P4HB: variants seen among roughly 807,000 people sequenced by gnomAD.
P4HB encodes prolyl 4-hydroxylase subunit beta.
Under a neutral mutation model 52.6 loss-of-function variants are expected in P4HB, and 20 were observed. The observed-to-expected ratio is 0.38, with a 90% CI of 0.27 to 0.55. The LOEUF is 0.55. P4HB is among the 20% of genes least tolerant of loss of function. P4HB has a pLI of 0.74. For missense variants in P4HB, 601 were observed against 669.2 expected, an observed-to-expected ratio of 0.90 and a Z score of 1.12; for synonymous variants, 296 against 277.9, an observed-to-expected ratio of 1.07 and a Z score of -0.65.
rs2038733869 is a variant in P4HB, at chr17:81,846,247, A to G, written c.1056+182T>C. 1.4e-6 allele frequency: 1 copy of G among 714,972 alleles called. No homozygotes were observed. Among genetic ancestry groups the G allele is most frequent in the East Asian group, 2.7e-5 (1 of 37,168 alleles). The allele number at this position is 714,972 out of a possible 1,614,324, so 44.3% of individuals were successfully genotyped here. On this transcript the variant is annotated intron_variant, in intron 7 of 10. Transcript: ENST00000331483. This position sits in a 1 kb window ranked among gnomAD's most constrained non-coding sequence, Gnocchi z 5.7. ...AGCATCTGGGCCAGCCGTGTGGACA[A>G]GAGGGCTCCTACAGGTCCCCAAAGG...
Position 81,847,275 on chromosome 17 carries a change from G to A in P4HB, c.697C>T (p.Gln233Ter). Residue 233 changes from glutamine (Q) to a stop codon, truncating the protein, a stop_gained, in exon 5 of 11, where the codon CAG becomes TAG. Transcript: ENST00000331483. LOFTEE classifies it high-confidence loss of function. ...GTGAACTCGATGACAAGGGGCAGCT[G>A]GTTGTGTTTGATAAAGTCCAGCAGG... Reference protein sequence around the residue: ...ENLLDFIKHNQLPLVIEFTEQ... With the variant: ...ENLLDFIKHN 1 of 1,614,124 alleles carries A rather than the reference G, an allele frequency of 6.2e-7. No individual in the cohort carries two copies. Among genetic ancestry groups the A allele is most frequent in the Non-Finnish European group, 8.5e-7 (1 of 1,180,014 alleles).
chr17:81,856,579 C>A (rs1229601384), intron 2 of P4HB, among the ~76,000 whole-genome samples: 3 of 151,608 alleles, frequency 2.0e-5, no homozygotes, highest in African/African-American at 7.3e-5. Flanking sequence ...AGGTGATACA[C>A]CTGCCTCAGC....
In P4HB at chr17:81,846,812, C is replaced by T. The variant is rs2038742706; in HGVS notation, c.855+135G>A. The T allele has an allele frequency of 1.2e-5, 15 of 1,300,872 alleles. No individual in the cohort carries two copies. In the East Asian group the frequency reaches 1.4e-4, roughly 12 times the overall value. 80.6% of individuals were successfully genotyped at this position (1,300,872 alleles called of 1,614,324 possible). ...TCTGGCCTGGCTGGCCCCTCGCCTA[C>T]ATCCAGGCTGTCCTGAATCAGGTGC... On this transcript the variant is annotated intron_variant, in intron 6 of 10. Transcript: ENST00000331483. This position sits in a 1 kb window ranked among gnomAD's most constrained non-coding sequence, Gnocchi z 5.7.
chr17:81,860,267 G>C, intron 1 of P4HB, 60 bp downstream of exon 1: 1 of 1,300,810 alleles, frequency 7.7e-7, no homozygotes, highest in Non-Finnish European at 9.9e-7. Flanking sequence ...CCGTGCCTGC[G>C]TCCCAAGAGC....
chr17:81,852,644 G>T (rs1254015485), intron 4 of P4HB, among the ~76,000 whole-genome samples: 1 of 152,260 alleles, frequency 6.6e-6, no homozygotes, highest in Non-Finnish European at 1.5e-5. Context: ...ACCCAAGTGG[G>T]TTTGTCTGTG....
At chr17:81,848,613 G>T (rs1428723159) in intron 4 of P4HB, among the ~76,000 whole-genome samples, 2 of 151,636 alleles carry the variant, frequency 1.3e-5, no homozygotes, top group Non-Finnish European at 2.9e-5. Flanking sequence ...GCGGGCACCT[G>T]TAATCCCAGG....
At chr17:81,851,876 A>T (rs1202797043) in intron 4 of P4HB, among the ~76,000 whole-genome samples, 1 of 152,228 alleles carries the variant, frequency 6.6e-6, no homozygotes, top group Admixed American at 6.5e-5. Flanking sequence ...CCACGGTGAC[A>T]AACAGCATAG....
chr17:81,845,561 C>T lies in P4HB; in HGVS notation c.1359G>A (p.Thr453=), dbSNP rs1303523010. Residue 453 remains threonine, a splice_region_variant and synonymous_variant, in exon 9 of 11, where the codon ACG becomes ACA. Transcript: ENST00000331483. ...LKFFPASADR[T]VIDYNGERTL... ...AGCCCCGTCTGGAGGGAAGGCGCACCGTCCTGTCGGCACTGGCAGGAAAGA... is the reference window on the plus strand; with the variant it reads ...AGCCCCGTCTGGAGGGAAGGCGCACTGTCCTGTCGGCACTGGCAGGAAAGA... 1.3e-6 allele frequency: 2 copies of T among 1,591,576 alleles called. No homozygotes were observed. The highest frequency in any genetic ancestry group is 8.6e-7 in the Non-Finnish European group (1 of 1,164,776).
intron 4 of P4HB, among the ~76,000 whole-genome samples, chr17:81,851,596 G>A (rs902968548): frequency 4.6e-5 from 7 of 152,202 alleles, no homozygotes; most frequent in Admixed American, 3.9e-4. Context: ...GGGTGGGCTC[G>A]CACTGTGCCC....
At chr17:81,847,487 G>T in intron 4 of P4HB, 140 bp from the exon 5 acceptor site, 1 of 715,972 alleles carries the variant, frequency 1.4e-6, no homozygotes, top group Admixed American at 2.0e-5. Flanking sequence ...GTCCAGCAAT[G>T]GGTACAGGAC....
At chr17:81,856,325 C>G (rs1387151893) in intron 2 of P4HB, among the ~76,000 whole-genome samples, 5 of 151,090 alleles carry the variant, frequency 3.3e-5, no homozygotes, top group African/African-American at 4.9e-5. Flanking sequence ...TGCCACCACA[C>G]CCAACTAACT....
intron 4 of P4HB, among the ~76,000 whole-genome samples, chr17:81,852,856 G>A (rs958906139): frequency 2.6e-5 from 4 of 152,260 alleles, no homozygotes; most frequent in African/African-American, 9.6e-5. Context: ...TGGGCTGTGT[G>A]ACAACACAGG....
intron 5 of P4HB, 22 bp downstream of exon 5, chr17:81,847,221 G>A: frequency 1.2e-6 from 2 of 1,609,270 alleles, no homozygotes; most frequent in Non-Finnish European, 8.5e-7. Flanking sequence ...TCCCCAGCCT[G>A]GGGGCTGCAG....
At chr17:81,845,100 G>A (rs746880664) in intron 10 of P4HB, 44 bp downstream of exon 10, 2 of 1,459,256 alleles carry the variant, frequency 1.4e-6, no homozygotes, top group Non-Finnish European at 1.9e-6. Context: ...TGGGGCCAAG[G>A]GGCTGAATCC....
rs1299546678 is a variant in P4HB, at chr17:81,847,030, G to A, written c.772C>T (p.Leu258=). The change falls in exon 6 of 11, where the codon CTG becomes TTG. Residue 258 remains leucine (L), a synonymous_variant. Coordinates refer to ENST00000331483, the MANE Select transcript of P4HB (RefSeq NM_000918.4). Reference sequence around the variant, plus strand: ...GACACACTCTTGGGCAAGAACAGCAGGATGTGAGTCTTGATTTCACCTCCA... The same window carrying A: ...GACACACTCTTGGGCAAGAACAGCAAGATGTGAGTCTTGATTTCACCTCCA... The part of the protein sequence containing the change: ...IFGGEIKTHI[L]LFLPKSVSDY... 3 of 1,614,058 alleles carry A rather than the reference G, an allele frequency of 1.9e-6. No individual in the cohort carries two copies. The highest frequency in any genetic ancestry group is 2.2e-5 in the East Asian group (1 of 44,890).
At chr17:81,848,389 A>G (rs962077177) in intron 4 of P4HB, among the ~76,000 whole-genome samples, 2 of 152,216 alleles carry the variant, frequency 1.3e-5, no homozygotes, top group Admixed American at 1.3e-4. Flanking sequence ...GTCTGGGACA[A>G]ACTAGTTTCC....
In P4HB at chr17:81,844,021, A is replaced by G. The variant is rs546184097; in HGVS notation, c.1518T>C (p.Asp506=). 3 of 1,613,064 alleles carry G rather than the reference A, an allele frequency of 1.9e-6. No individual in the cohort carries two copies. In the African/African-American group the frequency reaches 4.0e-5, roughly 22 times the overall value. The stretch of plus-strand genomic sequence containing the variant: ...GGTCTGGCTTTGCGTATTACAGTTC[A>G]TCTTTCACAGCTTTCTGATCATCGT... ...EEDDDQKAVK[D]EL Residue 506 remains aspartate, a synonymous_variant, in exon 11 of 11, where the codon GAT becomes GAC. Transcript: ENST00000331483.
Position 81,843,496 on chromosome 17 carries a change from G to C in P4HB, c.*516C>G. The stretch of plus-strand genomic sequence containing the variant: ...CGGAAGTCTCCATTTACCCAAAAAT[G>C]CAAGAGCCATGATCAGTCATGGCGA... On this transcript the variant is annotated 3_prime_UTR_variant, in exon 11 of 11. Coordinates refer to ENST00000331483, the MANE Select transcript of P4HB (RefSeq NM_000918.4). 1 of 400,260 alleles carries C rather than the reference G, an allele frequency of 2.5e-6. No homozygotes were observed. 24.8% of individuals were successfully genotyped at this position (400,260 alleles called of 1,614,324 possible).
At chr17:81,847,405 C>A (rs1427129062) in intron 4 of P4HB, 58 bp from the exon 5 acceptor site, 20 of 1,442,270 alleles carry the variant, frequency 1.4e-5, no homozygotes, top group Non-Finnish European at 1.9e-5. Flanking sequence ...AGCCCCTGGG[C>A]CCGGGTCTCC....
Sources: gnomAD v4.1 joint callset for allele counts (sites outside exome capture counted in the v4.1 genomes callset) on GRCh38, gnomAD v4.1.1 for gene constraint, Gnocchi (gnomAD v3.1) non-coding constraint, MANE v1.5 for transcripts, NCBI Gene and HGNC (gene_info 2026-07-23, HGNC 2026-07-21) for gene names.